The following CHRM3 variants were observed in gnomAD, a reference collection of about 807,000 sequenced individuals.
CHRM3 encodes muscarinic acetylcholine receptor M3.
A neutral mutation model predicts 41.8 loss-of-function variants in CHRM3; 11 were observed. The observed-to-expected ratio is 0.26, with a 90% CI of 0.17 to 0.44. The LOEUF is 0.44. Ranked by LOEUF, CHRM3 falls within the 20% of genes least tolerant of loss-of-function variation. CHRM3 has a pLI of 1.00. For synonymous variants in CHRM3, 297 were observed against 301.4 expected, an observed-to-expected ratio of 0.99 and a Z score of 0.15; for missense variants, 571 against 745.4, an observed-to-expected ratio of 0.77 and a Z score of 2.72.
At chr1:239,652,766 A>G (rs1672351035) in intron 4 of CHRM3, among the ~76,000 whole-genome samples, 2 of 152,128 alleles carry the variant, frequency 1.3e-5, no homozygotes, top group South Asian at 4.1e-4. Flanking sequence ...AACCTCTTTG[A>G]GCCTTATTTT....
chr1:239,850,821 T>C (rs182920919), intron 6 of CHRM3, among the ~76,000 whole-genome samples: 153 of 152,304 alleles, frequency 1.0e-3, no homozygotes, highest in African/African-American at 3.5e-3. Flanking sequence ...TCTTCCGCCA[T>C]GACTGTAAGT....
At chr1:239,617,554 G>A (rs908899369) in intron 3 of CHRM3, among the ~76,000 whole-genome samples, 14 of 151,996 alleles carry the variant, frequency 9.2e-5, no homozygotes, top group African/African-American at 2.7e-4. Context: ...GTGAGACCTC[G>A]TCTCTACAAA....
chr1:239,869,764 G>A (rs980106689), intron 6 of CHRM3, among the ~76,000 whole-genome samples: 1 of 152,172 alleles, frequency 6.6e-6, no homozygotes, highest in Non-Finnish European at 1.5e-5. Flanking sequence ...GTGAACTCCT[G>A]TAGGGAGAAG....
intron 5 of CHRM3, among the ~76,000 whole-genome samples, chr1:239,755,702 C>T (rs943403968): frequency 6.6e-6 from 1 of 152,198 alleles, no homozygotes; most frequent in African/African-American, 2.4e-5. Context: ...GTTTCTGAAG[C>T]ACTGTTGGTT....
At chr1:239,657,279 C>T (rs1672799381) in intron 4 of CHRM3, among the ~76,000 whole-genome samples, 1 of 152,224 alleles carries the variant, frequency 6.6e-6, no homozygotes, top group Non-Finnish European at 1.5e-5. Flanking sequence ...GCTCTCTCTA[C>T]ATTACTGCCA....
At chr1:239,645,439 G>C (rs1671662815) in intron 4 of CHRM3, among the ~76,000 whole-genome samples, 1 of 152,192 alleles carries the variant, frequency 6.6e-6, no homozygotes, top group Admixed American at 6.5e-5. Flanking sequence ...CACCTTTTCA[G>C]ATGGCCCAAA....
chr1:239,416,415 G>A (rs111896432), intron 1 of CHRM3, among the ~76,000 whole-genome samples: 41 of 151,744 alleles, frequency 2.7e-4, no homozygotes, highest in African/African-American at 7.3e-4. Context: ...TATTTTATCC[G>A]TTTTCTCTTG....
intron 3 of CHRM3, among the ~76,000 whole-genome samples, chr1:239,608,536 A>G (rs988581108): frequency 4.6e-5 from 7 of 152,158 alleles, no homozygotes; most frequent in East Asian, 3.9e-4. Context: ...GTACTTTTAC[A>G]TAGAAGGAAG....
chr1:239,799,385 C>G (rs1457012456), intron 5 of CHRM3, among the ~76,000 whole-genome samples: 1 of 152,096 alleles, frequency 6.6e-6, no homozygotes, highest in East Asian at 1.9e-4. Context: ...CTTCAAGGAG[C>G]ATTACCAGAG....
In CHRM3 at chr1:239,616,135, C is replaced by T. The variant is rs770499336; in HGVS notation, c.-312-16089C>T. On this transcript the variant is annotated intron_variant, in intron 3 of 6. Transcript: ENST00000676153. Reference sequence around the variant, plus strand: ...ATCCGCAAGTTGTAAACACTATTAACATTGTGATCTGCAAGTTGAACTATA... The same window carrying T: ...ATCCGCAAGTTGTAAACACTATTAATATTGTGATCTGCAAGTTGAACTATA... Among the ~76,000 whole-genome samples, 30 of 152,178 alleles carry T rather than the reference C, an allele frequency of 2.0e-4. 1 individual carries two copies. The highest frequency in any genetic ancestry group is 6.5e-4 in the Admixed American group (10 of 15,278).
chr1:239,788,029 G>A (rs563395790), intron 5 of CHRM3, among the ~76,000 whole-genome samples: 92 of 152,128 alleles, frequency 6.0e-4, no homozygotes, highest in Non-Finnish European at 1.2e-3. Context: ...TTTGAGGCTC[G>A]GAAAAGACTA....
chr1:239,414,613 A>G (rs906638960), intron 1 of CHRM3, among the ~76,000 whole-genome samples: 4 of 152,368 alleles, frequency 2.6e-5, no homozygotes, highest in Non-Finnish European at 4.4e-5. Flanking sequence ...AGTCTAGCAT[A>G]GGCAGCATGC....
intron 1 of CHRM3, among the ~76,000 whole-genome samples, chr1:239,477,598 A>T (rs1040301959): frequency 2.6e-5 from 4 of 152,212 alleles, no homozygotes; most frequent in African/African-American, 9.6e-5. Context: ...CAGCTCATGT[A>T]CTGGCTTAGA....
At chr1:239,827,655 C>T (rs576284005) in intron 6 of CHRM3, among the ~76,000 whole-genome samples, 1 of 152,234 alleles carries the variant, frequency 6.6e-6, no homozygotes, top group South Asian at 2.1e-4. Flanking sequence ...TTACCTATTA[C>T]TCATATTATT....
intron 1 of CHRM3, among the ~76,000 whole-genome samples, chr1:239,404,833 C>A (rs551097222): frequency 8.1e-5 from 12 of 147,940 alleles, no homozygotes; most frequent in Non-Finnish European, 1.5e-4. Flanking sequence ...CAGTTCTTAA[C>A]TTTTTTTGTT....
chr1:239,667,529 C>T (rs1282595649), intron 4 of CHRM3, among the ~76,000 whole-genome samples: 1 of 152,126 alleles, frequency 6.6e-6, no homozygotes, highest in Non-Finnish European at 1.5e-5. Flanking sequence ...GACTGAGGGT[C>T]ACCACTTTTG....
At chr1:239,553,127 A>G (rs776967377) in intron 3 of CHRM3, among the ~76,000 whole-genome samples, 1 of 152,124 alleles carries the variant, frequency 6.6e-6, no homozygotes, top group Non-Finnish European at 1.5e-5. Context: ...ACATATGTGT[A>G]TGACCTAAAT....
chr1:239,703,854 A>T (rs1660903045), intron 5 of CHRM3: 1 of 150,674 alleles, frequency 6.6e-6, no homozygotes, highest in African/African-American at 2.4e-5. Flanking sequence ...GTAACCAGTA[A>T]CTTCAACCAA....
chr1:239,531,803 G>A (rs1163449492), intron 2 of CHRM3, among the ~76,000 whole-genome samples: 1 of 150,114 alleles, frequency 6.7e-6, no homozygotes, highest in Non-Finnish European at 1.5e-5. Context: ...GGGACCACAG[G>A]CACCCGCCAC....
Sources: gnomAD v4.1 joint callset for allele counts (sites outside exome capture counted in the v4.1 genomes callset) on GRCh38, gnomAD v4.1.1 for gene constraint, MANE v1.5 for transcripts, NCBI Gene and HGNC (gene_info 2026-07-23, HGNC 2026-07-21) for gene names.